The following LIPA variants were observed in gnomAD, a reference collection of about 807,000 sequenced individuals.
The protein encoded by LIPA is lysosomal acid lipase/cholesteryl ester hydrolase.
LIPA carries 26 observed loss-of-function variants against 40.6 expected under a neutral mutation model. The observed-to-expected ratio is 0.64, with a 90% CI of 0.47 to 0.89. LIPA has a LOEUF of 0.89. Ranked by LOEUF, LIPA falls within the 40% of genes least tolerant of loss-of-function variation. The pLI, the probability that LIPA is intolerant of heterozygous loss-of-function variation, is 0.00. For synonymous variants in LIPA, 188 were observed against 168.4 expected (o/e 1.12, Z -0.90); for missense variants, 455 against 479.6 (o/e 0.95, Z 0.48).
At chr10:89,229,132 A>G (rs1276143291) in intron 3 of LIPA, among the ~76,000 whole-genome samples, 1 of 152,238 alleles carries the variant, frequency 6.6e-6, no homozygotes, top group Non-Finnish European at 1.5e-5. Context: ...TGAATGCATA[A>G]CTAAACTGTG....
chr10:89,323,541 G>T (rs145911969), intron 1 of LIPA, among the ~76,000 whole-genome samples: 1 of 151,400 alleles, frequency 6.6e-6, no homozygotes, highest in Non-Finnish European at 1.5e-5. Flanking sequence ...AAACCCCCAC[G>T]TCTCTACCCA....
chr10:89,350,431 G>A (rs1024758931), intron 2 of LIPA, among the ~76,000 whole-genome samples: 5 of 151,598 alleles, frequency 3.3e-5, no homozygotes, highest in Admixed American at 6.6e-5. Flanking sequence ...TCAGCCTCCC[G>A]AGTAGCTGAG....
intron 2 of LIPA, among the ~76,000 whole-genome samples, chr10:89,348,277 C>T (rs1843935800): frequency 6.6e-6 from 1 of 152,166 alleles, no homozygotes; most frequent in Non-Finnish European, 1.5e-5. Flanking sequence ...ACTTCCTCTC[C>T]TTTATGCCTC....
At chr10:89,378,247 C>T (rs1844137032) in intron 2 of LIPA, 8 of 1,127,926 alleles carry the variant, frequency 7.1e-6, no homozygotes, top group Non-Finnish European at 9.4e-6. Context: ...GGGAGCTGTC[C>T]CACTGGTGGT....
At chr10:89,339,291 C>A in intron 1 of LIPA, 1 of 1,614,094 alleles carries the variant, frequency 6.2e-7, no homozygotes, top group Non-Finnish European at 8.5e-7. Context: ...TCAAGGTTCT[C>A]TTGGGCCTGA....
rs562009737 is a variant in LIPA at position 89,413,208 on chromosome 10, G to A, written c.-71-286C>T. The stretch of plus-strand genomic sequence containing the variant: ...TTTGCAACTTATAAAAAGCAGATTC[G>A]TATACCTAAGTTATTCCAAATGTAA... On this transcript the variant is annotated intron_variant, in intron 1 of 8. Coordinates refer to the LIPA transcript ENST00000371837. 4.6e-5 allele frequency among the ~76,000 whole-genome samples: 7 copies of A among 152,280 alleles called. No individual in the cohort carries two copies. In the South Asian group the frequency reaches 1.2e-3, roughly 27 times the overall value.
intron 1 of LIPA, among the ~76,000 whole-genome samples, chr10:89,319,115 A>G (rs1026780851): frequency 2.0e-5 from 3 of 152,270 alleles, no homozygotes; most frequent in Non-Finnish European, 4.4e-5. Context: ...AAAGCAGGAA[A>G]GATCTAAAAT....
At chr10:89,324,832 T>A (rs1843590574) in intron 1 of LIPA, among the ~76,000 whole-genome samples, 2 of 152,208 alleles carry the variant, frequency 1.3e-5, no homozygotes, top group Non-Finnish European at 2.9e-5. Flanking sequence ...TCCAGCTTCA[T>A]CCATGTCCCT....
At chr10:89,274,406 C>T (rs980049666) in intron 1 of LIPA, among the ~76,000 whole-genome samples, 20 of 152,052 alleles carry the variant, frequency 1.3e-4, no homozygotes, top group African/African-American at 3.9e-4. Flanking sequence ...GGAGCAGTGA[C>T]GGGGTATGTG....
chr10:89,337,705 G>A (rs1272581119), intron 1 of LIPA, among the ~76,000 whole-genome samples: 1 of 152,206 alleles, frequency 6.6e-6, no homozygotes, highest in South Asian at 2.1e-4. Context: ...GGCTGACTTG[G>A]TAATTGAGCA....
At chr10:89,344,612 G>GAAAA (rs5786866), upstream of LIPA, among the ~76,000 whole-genome samples, 1 of 134,604 alleles carries the variant, frequency 7.4e-6, no homozygotes. Context: ...CATGCGGCAA[G>GAAAA]AAAAAAAAAA....
chr10:89,386,546 G>C (rs1029655204), intron 2 of LIPA, among the ~76,000 whole-genome samples: 1 of 152,204 alleles, frequency 6.6e-6, no homozygotes, highest in Non-Finnish European at 1.5e-5. Context: ...TTGTAGGGGA[G>C]ATTTGCCTCC....
At chr10:89,302,569 T>C (rs1843452108) in intron 1 of LIPA, among the ~76,000 whole-genome samples, 1 of 152,214 alleles carries the variant, frequency 6.6e-6, no homozygotes, top group Non-Finnish European at 1.5e-5. Context: ...CTGTTAAAGA[T>C]ATACACAGAA....
intron 4 of LIPA, 63 bp downstream of exon 4, chr10:89,228,137 G>A: frequency 7.3e-7 from 1 of 1,374,610 alleles, no homozygotes; most frequent in Middle Eastern, 1.8e-4. Context: ...TCTGCTGGAA[G>A]CCTGTTGTCT....
In LIPA at chr10:89,339,227, T is replaced by A. The variant is rs146776701; in HGVS notation, c.-2+3384A>T. 2.1e-4 allele frequency: 341 copies of A among 1,614,206 alleles called. 2 individuals carry two copies. In the African/African-American group the frequency reaches 4.1e-3, roughly 20 times the overall value. On this transcript the variant is annotated intron_variant, in intron 1 of 5. Coordinates refer to the LIPA transcript ENST00000282673. ...CTGGATAATCACCCAGAGAAACAGTTCTCTACTGATGTTTTGAAGCAGGCC... is the reference window on the plus strand; with the variant it reads ...CTGGATAATCACCCAGAGAAACAGTACTCTACTGATGTTTTGAAGCAGGCC...
At chr10:89,359,942 C>T (rs76711265) in intron 2 of LIPA, among the ~76,000 whole-genome samples, 3 of 152,052 alleles carry the variant, frequency 2.0e-5, no homozygotes, top group African/African-American at 4.8e-5. Flanking sequence ...TCTCTTATTG[C>T]GTTACCTCAG....
At chr10:89,284,770 C>T (rs1163597996) in intron 1 of LIPA, among the ~76,000 whole-genome samples, 1 of 152,166 alleles carries the variant, frequency 6.6e-6, no homozygotes, top group Non-Finnish European at 1.5e-5. Context: ...GTGACCTGCA[C>T]GTATAAATCC....
At chr10:89,392,034 G>A (rs1294609932) in intron 2 of LIPA, among the ~76,000 whole-genome samples, 1 of 152,036 alleles carries the variant, frequency 6.6e-6, no homozygotes, top group Non-Finnish European at 1.5e-5. Flanking sequence ...ATACCTCCTT[G>A]CTTTTACCTC....
intron 2 of LIPA, among the ~76,000 whole-genome samples, chr10:89,394,428 T>A (rs1205649947): frequency 6.6e-6 from 1 of 151,972 alleles, no homozygotes; most frequent in Non-Finnish European, 1.5e-5. Context: ...TGGATCAGGA[T>A]CTCTACATTC....
Sources: gnomAD v4.1 joint callset for allele counts (sites outside exome capture counted in the v4.1 genomes callset) on GRCh38, gnomAD v4.1.1 for gene constraint, MANE v1.5 for transcripts, NCBI Gene and HGNC (gene_info 2026-07-23, HGNC 2026-07-21) for gene names.